PCDHAC1: variants seen among roughly 807,000 people sequenced by gnomAD.
PCDHAC1 encodes protocadherin alpha-C1.
A neutral mutation model predicts 60.0 loss-of-function variants in PCDHAC1; 42 were observed. That is an observed-to-expected ratio of 0.70 (90% CI 0.55 to 0.90). The LOEUF (loss-of-function observed/expected upper bound fraction) is 0.90, where lower values mean the gene tolerates loss of function less well. Among genes scored for constraint, PCDHAC1 ranks in the 40% least tolerant of loss-of-function variants. PCDHAC1 has a pLI of 0.00. For synonymous variants in PCDHAC1, 468 were observed against 499.3 expected (o/e 0.94, Z 0.84); for missense variants, 1,160 against 1,222.3 (o/e 0.95, Z 0.76).
At position 140,928,142 on chromosome 5, in the gene PCDHAC1, C is replaced by T. The variant is rs2084978114; in HGVS notation, c.1250C>T (p.Ala417Val). The change falls in exon 1 of 4, where the codon GCC becomes GTC. Residue 417 changes from alanine (A) to valine (V), a missense_variant. Coordinates refer to ENST00000253807, the MANE Select transcript of PCDHAC1 (RefSeq NM_018898.5). ...AGTGAATACCAAGTCCTGATCACGGCCTCAGATAGTGGCTCACCCCCACTT... is the reference window on the plus strand; with the variant it reads ...AGTGAATACCAAGTCCTGATCACGGTCTCAGATAGTGGCTCACCCCCACTT... Reference protein sequence around the residue: ...QISEYQVLITASDSGSPPLST... With the variant: ...QISEYQVLITVSDSGSPPLST... 3 of 1,614,170 alleles carry T rather than the reference C, an allele frequency of 1.9e-6. No homozygotes were observed. The highest frequency in any genetic ancestry group is 2.2e-5 in the East Asian group (1 of 44,870).
At chr5:140,993,345 C>T (rs557836440) in intron 3 of PCDHAC1, among the ~76,000 whole-genome samples, 25 of 152,064 alleles carry the variant, frequency 1.6e-4, no homozygotes, top group African/African-American at 4.3e-4. Context: ...AAGGGCACTA[C>T]GAAGATCCTC....
intron 1 of PCDHAC1, among the ~76,000 whole-genome samples, chr5:140,964,252 T>C (rs569615423): frequency 4.6e-5 from 7 of 152,332 alleles, no homozygotes; most frequent in African/African-American, 1.7e-4. Context: ...GGCTTTATAT[T>C]TGACTCCTTA....
intron 1 of PCDHAC1, among the ~76,000 whole-genome samples, chr5:140,945,169 AAAAT>A (rs1302154201): frequency 2.0e-5 from 3 of 152,164 alleles, no homozygotes; most frequent in Non-Finnish European, 4.4e-5. Context: ...AACTATCTGA[AAAAT>A]AAATCAAGAA....
chr5:141,009,544 C>A (rs1236431515), intron 3 of PCDHAC1, 83 bp from the exon 4 acceptor site: 1 of 1,534,390 alleles, frequency 6.5e-7, no homozygotes. Context: ...CCTGCCTATG[C>A]AGTACTCCTG....
At chr5:140,977,862 A>G (rs142967836) in intron 1 of PCDHAC1, among the ~76,000 whole-genome samples, 3 of 152,372 alleles carry the variant, frequency 2.0e-5, no homozygotes, top group African/African-American at 7.2e-5. Context: ...TCTACCAAAT[A>G]TGGTAAGTAT....
intron 1 of PCDHAC1, among the ~76,000 whole-genome samples, chr5:140,954,333 G>C (rs1554221356): frequency 1.3e-5 from 2 of 152,140 alleles, no homozygotes; most frequent in African/African-American, 4.8e-5. Flanking sequence ...TGGTATTTCT[G>C]CCTCTAGATC....
intron 1 of PCDHAC1, among the ~76,000 whole-genome samples, chr5:140,951,776 T>C (rs1301757181): frequency 2.6e-5 from 4 of 152,140 alleles, no homozygotes; most frequent in East Asian, 1.9e-4. Context: ...CGTTCTTACA[T>C]TGCAAAATAC....
At chr5:140,968,835 A>C in intron 1 of PCDHAC1, 2 of 1,614,194 alleles carry the variant, frequency 1.2e-6, no homozygotes, top group Non-Finnish European at 1.7e-6. Flanking sequence ...ATCCTCCCTG[A>C]CACTCAGAGG....
At chr5:140,963,952 G>T (rs1466185819) in intron 1 of PCDHAC1, among the ~76,000 whole-genome samples, 1 of 152,176 alleles carries the variant, frequency 6.6e-6, no homozygotes, top group Non-Finnish European at 1.5e-5. Context: ...TTAGTCACTG[G>T]CAGGAGTGTG....
chr5:140,968,813 A>T, intron 1 of PCDHAC1: 2 of 1,614,194 alleles, frequency 1.2e-6, no homozygotes, highest in Non-Finnish European at 1.7e-6. Context: ...TGTGGTGGAT[A>T]GGGTTTCCAA....
chr5:140,990,895 G>A (rs550774822), intron 3 of PCDHAC1, among the ~76,000 whole-genome samples: 15 of 152,284 alleles, frequency 9.9e-5, no homozygotes, highest in Non-Finnish European at 1.9e-4. Flanking sequence ...GTGGGTCGTT[G>A]CTGGGTCAAG....
chr5:140,987,005 T>C (rs1587197864), intron 3 of PCDHAC1, among the ~76,000 whole-genome samples: 1 of 152,008 alleles, frequency 6.6e-6, no homozygotes. Context: ...CTTGAGGTCA[T>C]GAGTTCGAGA....
chr5:140,936,780 T>C (rs2091148034), intron 1 of PCDHAC1, among the ~76,000 whole-genome samples: 1 of 152,224 alleles, frequency 6.6e-6, no homozygotes, highest in Non-Finnish European at 1.5e-5. Flanking sequence ...TCTCTCACTT[T>C]GTTATTCTGC....
chr5:140,931,578 C>T (rs2087609680), intron 1 of PCDHAC1, among the ~76,000 whole-genome samples: 1 of 152,008 alleles, frequency 6.6e-6, no homozygotes, highest in South Asian at 2.1e-4. Flanking sequence ...CCCATTCATT[C>T]AGTTGAACAG....
intron 3 of PCDHAC1, among the ~76,000 whole-genome samples, chr5:141,002,792 A>G (rs576285489): frequency 6.6e-6 from 1 of 152,306 alleles, no homozygotes; most frequent in South Asian, 2.1e-4. Context: ...CATTTTATGG[A>G]TGAGGAAACT....
At chr5:140,930,184 G>A (rs2153603505) in intron 1 of PCDHAC1, 1 of 152,258 alleles carries the variant, frequency 6.6e-6, no homozygotes, top group South Asian at 2.1e-4. Context: ...GGAAAGATGA[G>A]TAATTTTTAT....
At chr5:140,946,752 A>C (rs1470208958) in intron 1 of PCDHAC1, among the ~76,000 whole-genome samples, 1 of 151,470 alleles carries the variant, frequency 6.6e-6, no homozygotes, top group East Asian at 1.9e-4. Context: ...CAAATACTGC[A>C]TGATCTCATT....
chr5:140,967,012 G>C (rs1554229065), intron 1 of PCDHAC1: 1 of 1,606,656 alleles, frequency 6.2e-7, no homozygotes, highest in African/African-American at 1.3e-5. Flanking sequence ...TCAACCATCT[G>C]GGTGCGCCCA....
chr5:140,985,060 C>T (rs1377386395), intron 3 of PCDHAC1, among the ~76,000 whole-genome samples: 2 of 152,066 alleles, frequency 1.3e-5, no homozygotes, highest in Admixed American at 6.5e-5. Flanking sequence ...GCCTCAGCCT[C>T]CTGAGTAGCT....
Sources: gnomAD v4.1 joint callset for allele counts (sites outside exome capture counted in the v4.1 genomes callset) on GRCh38, gnomAD v4.1.1 for gene constraint, MANE v1.5 for transcripts, NCBI Gene and HGNC (gene_info 2026-07-23, HGNC 2026-07-21) for gene names.